ZSCAN5C: variants seen among roughly 807,000 people sequenced by gnomAD.
The protein encoded by ZSCAN5C is zinc finger and SCAN domain-containing protein 5C.
Under a neutral mutation model 17.3 loss-of-function variants are expected in ZSCAN5C, and 11 were observed. That is an observed-to-expected ratio of 0.64 (90% CI 0.40 to 1.06). The LOEUF (loss-of-function observed/expected upper bound fraction) is 1.06, where lower values mean the gene tolerates loss of function less well. Ranked by LOEUF, ZSCAN5C falls within the 50% of genes least tolerant of loss-of-function variation. ZSCAN5C has a pLI of 0.00. For synonymous variants in ZSCAN5C, 229 were observed against 208.4 expected, an observed-to-expected ratio of 1.10 and a Z score of -0.85; for missense variants, 698 against 538.9, an observed-to-expected ratio of 1.30 and a Z score of -2.92.
chr19:56,209,060 T>G, exon 5 of ZSCAN5C: 1 of 1,606,852 alleles, frequency 6.2e-7, no homozygotes, highest in Non-Finnish European at 8.5e-7. Context: ...AGTTTTCACC[T>G]ACAAGGCAAA....
chr19:56,209,365 A>T, downstream of ZSCAN5C: 1 of 503,610 alleles, frequency 2.0e-6, no homozygotes, highest in Non-Finnish European at 3.5e-6. Context: ...CCCCGGGGGA[A>T]TTTTGGTTTT....
exon 4 of ZSCAN5C, chr19:56,208,152 C>A (rs765346108): frequency 3.8e-6 from 3 of 779,972 alleles, no homozygotes; most frequent in Non-Finnish European, 4.8e-6. Context: ...CCAGGACTTA[C>A]ATCCCCAGAG....
chr19:56,203,631 C>T (rs2032892423), intron 1 of ZSCAN5C, among the ~76,000 whole-genome samples: 1 of 146,542 alleles, frequency 6.8e-6, no homozygotes, highest in Admixed American at 6.9e-5. Context: ...TACTATGAGT[C>T]TACTGGGAAT....
At position 56,208,129 on chromosome 19, in the gene ZSCAN5C, C is replaced by A. The variant is rs77492865; in HGVS notation, c.684C>A (p.Asp228Glu). The A allele has an allele frequency of 6.6e-3, 5,160 of 779,010 alleles. 194 individuals carry two copies. Among genetic ancestry groups the A allele is most frequent in the African/African-American group, 0.056 (3,303 of 58,958 alleles). The allele number at this position is 779,010 out of a possible 1,614,324, so 48.3% of individuals were successfully genotyped here. ...CCTTGGAGAAGGACCTGGAGGAAGACAGGGAGGAGAACCCAGGACTTACAT... is the reference window on the plus strand; with the variant it reads ...CCTTGGAGAAGGACCTGGAGGAAGAAAGGGAGGAGAACCCAGGACTTACAT... The change falls in exon 4 of 5, where the codon GAC becomes GAA. Residue 228 changes from aspartate (D) to glutamate (E), a missense_variant. Asp to Glu is a conservative substitution (Grantham distance 45). Transcript: ENST00000534327.
intron 3 of ZSCAN5C, 54 bp from the exon 4 acceptor site, chr19:56,207,980 G>A: frequency 1.5e-6 from 1 of 678,282 alleles, no homozygotes; most frequent in Non-Finnish European, 2.7e-6. Context: ...AAGCAGACAT[G>A]TCCTTCCACC....
At chr19:56,208,163 C>T in exon 4 of ZSCAN5C, 1 of 779,754 alleles carries the variant, frequency 1.3e-6, no homozygotes, top group Non-Finnish European at 2.4e-6. Flanking sequence ...ATCCCCAGAG[C>T]CTCAGCTTCC....
chr19:56,205,690 G>C, intron 1 of ZSCAN5C, 97 bp from the exon 2 acceptor site: 1 of 530,666 alleles, frequency 1.9e-6, no homozygotes, highest in South Asian at 2.7e-5. Flanking sequence ...TCCAATGCTA[G>C]AGGGGAAGTG....
exon 5 of ZSCAN5C, chr19:56,208,836 G>A: frequency 7.7e-6 from 12 of 1,559,616 alleles, no homozygotes; most frequent in Non-Finnish European, 1.1e-5. Context: ...GTCCACACGA[G>A]ATCACACACA....
exon 5 of ZSCAN5C, chr19:56,208,741 C>T (rs770339765): frequency 6.2e-7 from 1 of 1,610,132 alleles, no homozygotes; most frequent in East Asian, 2.2e-5. Flanking sequence ...CAGTCAGTCA[C>T]CCCAGTGGCC....
chr19:56,208,409 T>G, intron 4 of ZSCAN5C, 40 bp from the exon 5 acceptor site: 1 of 1,207,764 alleles, frequency 8.3e-7, no homozygotes, highest in Non-Finnish European at 1.2e-6. Flanking sequence ...GTATTGAAAA[T>G]GCACCTTATT....
chr19:56,208,523 C>T (rs774361458), exon 5 of ZSCAN5C: 3 of 1,581,914 alleles, frequency 1.9e-6, no homozygotes, highest in Non-Finnish European at 2.6e-6. Context: ...TGCTGACACA[C>T]CTTCTGCCTG....
chr19:56,205,659 A>G (rs568280278), intron 1 of ZSCAN5C, 128 bp from the exon 2 acceptor site: 1 of 435,426 alleles, frequency 2.3e-6, no homozygotes, highest in African/African-American at 2.0e-5. Context: ...AACAGAGTGG[A>G]TTGATTTCCA....
chr19:56,203,384 TA>T (rs2032890266), intron 1 of ZSCAN5C, among the ~76,000 whole-genome samples: 1 of 151,888 alleles, frequency 6.6e-6, no homozygotes, highest in Non-Finnish European at 1.5e-5. Context: ...GTAAAATGGG[TA>T]AATTGAGCTG....
chr19:56,207,169 G>C, exon 3 of ZSCAN5C: 1 of 778,796 alleles, frequency 1.3e-6, no homozygotes. Flanking sequence ...CCAGCCAGCG[G>C]ACCTCCTCTG....
At chr19:56,204,248 G>A (rs189167494) in intron 1 of ZSCAN5C, among the ~76,000 whole-genome samples, 2 of 150,230 alleles carry the variant, frequency 1.3e-5, no homozygotes, top group African/African-American at 5.0e-5. Context: ...CGGGATTGCC[G>A]GCTCATGCAG....
intron 3 of ZSCAN5C, among the ~76,000 whole-genome samples, chr19:56,207,586 A>G (rs1471641161): frequency 6.6e-6 from 1 of 151,870 alleles, no homozygotes; most frequent in Non-Finnish European, 1.5e-5. Context: ...TAATGTAATA[A>G]TTCAGCAGGG....
In ZSCAN5C at chr19:56,206,939, G is replaced by A. The variant is rs557407287; in HGVS notation, c.385-120G>A. On this transcript the variant is annotated intron_variant, in intron 2 of 4. Transcript: ENST00000534327. Reference sequence around the variant, plus strand: ...GTTCACACAGAGCTGATTCTGCATCGGGAAGGCAGATTTGAACATTAATTA... The same window carrying A: ...GTTCACACAGAGCTGATTCTGCATCAGGAAGGCAGATTTGAACATTAATTA... The A allele has an allele frequency of 3.4e-4, 206 of 605,140 alleles. 1 individual carries two copies. The highest frequency in any genetic ancestry group is 4.9e-4 in the Non-Finnish European group (167 of 337,434). The allele number at this position is 605,140 out of a possible 1,614,324, so 37.5% of individuals were successfully genotyped here. A position where few individuals can be genotyped will look rare whatever the true frequency, so the allele number is the denominator to read the frequency against.
chr19:56,206,998 G>T lies in ZSCAN5C; in HGVS notation c.385-61G>T, dbSNP rs2032928510. 4 of 674,096 alleles carry T rather than the reference G, an allele frequency of 5.9e-6. No individual in the cohort carries two copies. The South Asian group carries it at 6.4e-5, about 11-fold the overall frequency. 41.8% of individuals were successfully genotyped at this position (674,096 alleles called of 1,614,324 possible). On this transcript the variant is annotated intron_variant, in intron 2 of 4. Transcript: ENST00000534327. ...TGTGAGCATTATGGCAGGACCCAGG[G>T]AATATGAGAGCTACTTTCAGGTTCT...
chr19:56,207,437 A>C, intron 3 of ZSCAN5C, among the ~76,000 whole-genome samples, 175 bp downstream of exon 3: 1 of 151,340 alleles, frequency 6.6e-6, no homozygotes, highest in Non-Finnish European at 1.5e-5. Context: ...GGGAAGCTTC[A>C]TCTACTTTTC....
Sources: allele counts gnomAD v4.1 joint callset (sites outside exome capture counted in the v4.1 genomes callset), GRCh38; gene constraint gnomAD v4.1.1; transcripts MANE v1.5; gene names NCBI Gene and HGNC (gene_info 2026-07-23, HGNC 2026-07-21).